Variants in MXRA5 observed in about 807,000 individuals in gnomAD.
The protein encoded by MXRA5 is matrix-remodeling-associated protein 5.
Under a neutral mutation model 112.5 loss-of-function variants are expected in MXRA5, and 41 were observed. The observed-to-expected ratio is 0.36, with a 90% confidence interval of 0.28 to 0.47. MXRA5 has a LOEUF of 0.47. Ranked by LOEUF, MXRA5 falls within the 20% of genes least tolerant of loss-of-function variation. The probability of loss-of-function intolerance (pLI) is 0.99; values close to 1 mark genes in which losing one functional copy is unlikely to be tolerated. For synonymous variants in MXRA5, 862 were observed against 900.8 expected (o/e 0.96, Z 0.77); for missense variants, 2,150 against 2,251.0 (o/e 0.96, Z 0.91).
At chrX:3,341,217 A>G (rs1439312326) in intron 2 of MXRA5, among the ~76,000 whole-genome samples, 1 of 42,852 alleles carries the variant, frequency 2.3e-5, no homozygotes, top group East Asian at 6.8e-4. Flanking sequence ...ATATAATAAT[A>G]TATATAATGT....
In MXRA5 at chrX:3,321,979, T is replaced by G; in HGVS notation, c.3706A>C (p.Lys1236Gln). The G allele has an allele frequency of 8.3e-7, 1 of 1,211,641 alleles. No individual in the cohort carries two copies. Among genetic ancestry groups the G allele is most frequent in the Non-Finnish European group, 1.1e-6 (1 of 895,540 alleles). ...GTATATCGATGTTTGTTTGGCCTCT[T>G]CCCGTGTTTTCTCCGTGGTGTTCCC... ...SKGTPRRKHG[K>Q]RPNKHRYTPS... The change falls in exon 5 of 7, where the codon AAG becomes CAG. Residue 1236 changes from lysine (K) to glutamine (Q), a missense_variant. Physicochemically the swap from Lys to Gln is moderately conservative, Grantham distance 53 (BLOSUM62 1). Coordinates refer to ENST00000217939, the MANE Select transcript of MXRA5 (RefSeq NM_015419.4).
rs866596867 is a variant in MXRA5, at chrX:3,317,040, G to C, written c.6578+63C>G. 108 of 1,038,337 alleles carry C rather than the reference G, an allele frequency of 1.0e-4. No individual in the cohort carries two copies. In the South Asian group the frequency reaches 1.5e-3, roughly 15 times the overall value. The allele number at this position is 1,038,337 out of a possible 1,213,427, so 85.6% of individuals were successfully genotyped here. ...GTGTGTGCATATTCATCCTGAAAAAGGACTCATATTCGTTGGGGCCACCAG... is the reference window on the plus strand; with the variant it reads ...GTGTGTGCATATTCATCCTGAAAAACGACTCATATTCGTTGGGGCCACCAG... On this transcript the variant is annotated intron_variant, in intron 6 of 6. Transcript: ENST00000217939.
At chrX:3,345,778 C>T (rs1283418875) in intron 1 of MXRA5, among the ~76,000 whole-genome samples, 1 of 113,089 alleles carries the variant, frequency 8.8e-6, no homozygotes, top group African/African-American at 3.2e-5. Flanking sequence ...CAGCCCTGAG[C>T]CCCTGGCCGG....
chrX:3,311,179 C>T lies in MXRA5; in HGVS notation c.7024G>A (p.Val2342Met), dbSNP rs1439857499. The T allele has an allele frequency of 8.3e-7, 1 of 1,209,781 alleles. No individual in the cohort carries two copies. The highest frequency in any genetic ancestry group is 3.0e-5 in the East Asian group (1 of 33,739). ...KDEMRVRVKV[V>M]TAPATIRNKT... ...TTCCGGATGGTGGCGGGCGCTGTCA[C>T]CACCTTGACTCTGACTCTCATCTCG... is the stretch of plus-strand genomic sequence containing the variant. The change falls in exon 7 of 7, where the codon GTG (valine) becomes ATG (methionine). Residue 2342 changes from valine (V) to methionine (M), a missense_variant. Physicochemically the swap from Val to Met is conservative, Grantham distance 21. This residue lies in a region of MXRA5 where 1,485 missense variants were observed against 1,471.6 expected (regional missense o/e 1.01). Transcript: ENST00000217939.
intron 5 of MXRA5, among the ~76,000 whole-genome samples, chrX:3,319,354 G>A (rs1921235303): frequency 1.8e-5 from 2 of 112,407 alleles, no homozygotes; most frequent in African/African-American, 6.5e-5. Flanking sequence ...GAGAATTCTG[G>A]AAGCAGGCAT....
rs770436727 is a variant in MXRA5 at position 3,324,195 on chromosome X, C to T, written c.1490G>A (p.Cys497Tyr). The part of the protein sequence containing the change: ...RDQTVLEGGP[C>Y]QLSCNVKASE... ...AGCTTTCACGTTGCAGCTCAACTGG[C>T]ATGGACCCCCTTCCAGGACAGTCTG... Residue 497 changes from cysteine (C) to tyrosine (Y), a missense_variant, in exon 5 of 7, where the codon TGC (cysteine) becomes TAC (tyrosine). Physicochemically the swap from Cys to Tyr is radical, Grantham distance 194. Coordinates refer to ENST00000217939, the MANE Select transcript of MXRA5 (RefSeq NM_015419.4). 8.3e-7 allele frequency: 1 copy of T among 1,211,720 alleles called. No individual in the cohort carries two copies. Among genetic ancestry groups the T allele is most frequent in the Non-Finnish European group, 1.1e-6 (1 of 895,513 alleles).
At chrX:3,332,308 C>CGGG (rs1569186494) in intron 2 of MXRA5, among the ~76,000 whole-genome samples, 7 of 108,946 alleles carry the variant, frequency 6.4e-5, no homozygotes, top group African/African-American at 2.0e-4. Flanking sequence ...TGCAGTGGCC[C>CGGG]ATCTCGGCTC....
chrX:3,342,678 C>T (rs1922017898), intron 2 of MXRA5, among the ~76,000 whole-genome samples: 1 of 112,059 alleles, frequency 8.9e-6, no homozygotes. Flanking sequence ...CTTATTCTAC[C>T]ACTGTCAACA....
intron 5 of MXRA5, among the ~76,000 whole-genome samples, chrX:3,319,209 T>TCA (rs753045527): frequency 2.5e-4 from 28 of 112,655 alleles, no homozygotes; most frequent in Non-Finnish European, 1.9e-4. Flanking sequence ...TGTGTTGTCA[T>TCA]CACACACATA....
At position 3,322,190 on chromosome X, in the gene MXRA5, C is replaced by T; in HGVS notation, c.3495G>A (p.Arg1165=). ...RRLRPNKFRH[R]HKQTPPTTFA... Reference sequence around the variant, plus strand: ...AAGTTGTGGGTGGGGTTTGCTTGTGCCGGTGGCGGAATTTGTTGGGGCGTA... The same window carrying T: ...AAGTTGTGGGTGGGGTTTGCTTGTGTCGGTGGCGGAATTTGTTGGGGCGTA... Residue 1165 remains arginine, a synonymous_variant, in exon 5 of 7, where the codon CGG becomes CGA. Transcript: ENST00000217939. The T allele has an allele frequency of 8.4e-7, 1 of 1,189,459 alleles. No homozygotes were observed. The highest frequency in any genetic ancestry group is 1.1e-6 in the Non-Finnish European group (1 of 884,057).
intron 6 of MXRA5, among the ~76,000 whole-genome samples, chrX:3,312,202 A>G (rs1244282956): frequency 8.9e-6 from 1 of 111,819 alleles, no homozygotes; most frequent in African/African-American, 3.3e-5. Context: ...GATCTTCAGA[A>G]GCTGGCCCTA....
At chrX:3,334,035 G>T (rs748714719) in intron 2 of MXRA5, among the ~76,000 whole-genome samples, 46 of 111,732 alleles carry the variant, frequency 4.1e-4, no homozygotes, top group African/African-American at 1.5e-3. Flanking sequence ...AGGCCAGAGT[G>T]TGGTGGCACA....
intron 1 of MXRA5, among the ~76,000 whole-genome samples, chrX:3,345,325 C>G (rs1922081857): frequency 8.9e-6 from 1 of 112,854 alleles, no homozygotes; most frequent in Non-Finnish European, 1.9e-5. Flanking sequence ...GGCTCCGCCT[C>G]TGGGCGCTGG....
intron 4 of MXRA5, among the ~76,000 whole-genome samples, chrX:3,326,010 A>ATAT (rs1300589701): frequency 1.7e-5 from 1 of 57,644 alleles, no homozygotes; most frequent in African/African-American, 6.6e-5. Context: ...TATATTATAT[A>ATAT]TATTTATATG....
Position 3,310,380 on chromosome X carries a change from G to A in MXRA5, c.7823C>T (p.Ser2608Leu), listed in dbSNP as rs757488901. Residue 2608 changes from serine (S) to leucine (L), a missense_variant, in exon 7 of 7, where the codon TCG becomes TTG. Ser to Leu is a moderately radical substitution (Grantham distance 145). Transcript: ENST00000217939. ...DGMLHISGLSSVDAGAYRCVA... is the reference protein window; with the variant it reads ...DGMLHISGLSLVDAGAYRCVA... ...GCAGCGGTAGGCCCCGGCGTCCACC[G>A]AGGAGAGACCGCTAATGTGTAGCAT... 1.5e-5 allele frequency: 18 copies of A among 1,203,782 alleles called. No homozygotes were observed. The highest frequency in any genetic ancestry group is 4.7e-4 in the Middle Eastern group (2 of 4,229).
rs1242878395 is a variant in MXRA5, at chrX:3,310,339, C to T, written c.7864G>A (p.Ala2622Thr). 14 of 1,199,384 alleles carry T rather than the reference C, an allele frequency of 1.2e-5. No homozygotes were observed. Among genetic ancestry groups the T allele is most frequent in the Admixed American group, 6.6e-5 (3 of 45,553 alleles). Residue 2622 changes from alanine (A) to threonine (T), a missense_variant, in exon 7 of 7, where the codon GCT (alanine) becomes ACT (threonine). Physicochemically the swap from Ala to Thr is moderately conservative, Grantham distance 58 (BLOSUM62 0). Coordinates refer to ENST00000217939, the MANE Select transcript of MXRA5 (RefSeq NM_015419.4). ...GAGACCAGCCTCTCCGTGTGGCCAG[C>T]GGCATTGCGGGCCACGCAGCGGTAG... ...GAYRCVARNA[A>T]GHTERLVSLK...
rs1348697497 is a variant in MXRA5, at chrX:3,309,027, G to C, written c.*689C>G. ...ACCAATAATTTATTAATTTTAATAA[G>C]ACAGAAAGTATTTCTCCTTCTAGTC... On this transcript the variant is annotated 3_prime_UTR_variant, in exon 7 of 7. Transcript: ENST00000217939. 1 of 111,508 alleles carries C rather than the reference G, an allele frequency of 9.0e-6. No homozygotes were observed. Among genetic ancestry groups the C allele is most frequent in the East Asian group, 2.8e-4 (1 of 3,607 alleles). The allele number at this position is 111,508 out of a possible 1,213,427, so 9.2% of individuals were successfully genotyped here. A position where few individuals can be genotyped will look rare whatever the true frequency, so the allele number is the denominator to read the frequency against.
At chrX:3,346,469 G>C (rs987952010) in intron 1 of MXRA5, 46 bp downstream of exon 1, 1 of 736,615 alleles carries the variant, frequency 1.4e-6, no homozygotes, top group African/African-American at 2.3e-5. Flanking sequence ...CCCCCTGCAG[G>C]CAGACACGGC....
chrX:3,318,701 T>C (rs1241124975), intron 5 of MXRA5, among the ~76,000 whole-genome samples: 1 of 111,772 alleles, frequency 8.9e-6, no homozygotes, highest in African/African-American at 3.3e-5. Flanking sequence ...CCAAAGGAAA[T>C]GACGTCAGTA....
Sources: allele counts gnomAD v4.1 joint callset (sites outside exome capture counted in the v4.1 genomes callset), GRCh38; gene constraint gnomAD v4.1.1; regional missense constraint gnomAD v4.1.1; transcripts MANE v1.5; gene names NCBI Gene and HGNC (gene_info 2026-07-23, HGNC 2026-07-21).